The following TRIM25 variants were observed in gnomAD, a reference collection of about 807,000 sequenced individuals.
TRIM25 encodes tripartite motif containing 25.
A neutral mutation model predicts 65.2 loss-of-function variants in TRIM25; 45 were observed. The ratio of observed to expected loss-of-function variants is 0.69; its 90% CI spans 0.54 to 0.89. The LOEUF (loss-of-function observed/expected upper bound fraction) is 0.89. TRIM25 is among the 40% of genes least tolerant of loss of function. TRIM25 has a pLI of 0.00. For synonymous variants in TRIM25, 321 were observed against 340.4 expected, an observed-to-expected ratio of 0.94 and a Z score of 0.63; for missense variants, 714 against 803.7, an observed-to-expected ratio of 0.89 and a Z score of 1.35.
At chr17:56,895,484 G>A in intron 7 of TRIM25, 37 bp downstream of exon 7, 1 of 1,614,036 alleles carries the variant, frequency 6.2e-7, no homozygotes, top group Non-Finnish European at 8.5e-7. Flanking sequence ...CAAACTCAGA[G>A]TGGACACCCC....
intron 2 of TRIM25, among the ~76,000 whole-genome samples, chr17:56,908,193 T>C (rs1909557047): frequency 6.6e-6 from 1 of 152,236 alleles, no homozygotes; most frequent in African/African-American, 2.4e-5. Context: ...TTCTCCCACT[T>C]TATATCATAA....
intron 4 of TRIM25, among the ~76,000 whole-genome samples, chr17:56,900,682 A>G (rs1041451433): frequency 4.6e-5 from 7 of 152,342 alleles, no homozygotes; most frequent in Middle Eastern, 3.4e-3. Flanking sequence ...GAAGTTTTGC[A>G]TATTTGAGGA....
Position 56,889,625 on chromosome 17 carries a change from G to T in TRIM25, c.*2075C>A. ...CTCTCTTTTAAACAGAGGGTCTTAT[G>T]CTTCCCTATCCTGAGCTGCACATTT... is the stretch of plus-strand genomic sequence containing the variant. On this transcript the variant is annotated 3_prime_UTR_variant, in exon 9 of 9. Coordinates refer to ENST00000316881, the MANE Select transcript of TRIM25 (RefSeq NM_005082.5). 1 of 397,304 alleles carries T rather than the reference G, an allele frequency of 2.5e-6. No individual in the cohort carries two copies. The highest frequency in any genetic ancestry group is 4.4e-6 in the Non-Finnish European group (1 of 225,612). 24.6% of individuals were successfully genotyped at this position (397,304 alleles called of 1,614,324 possible).
intron 4 of TRIM25, among the ~76,000 whole-genome samples, chr17:56,901,048 G>A (rs976851597): frequency 6.6e-6 from 1 of 152,122 alleles, no homozygotes; most frequent in East Asian, 1.9e-4. Flanking sequence ...GTGATGAAAA[G>A]GGGGTGTCAA....
rs530543259 is a variant in TRIM25 at position 56,890,283 on chromosome 17, C to T, written c.*1417G>A. 6 of 326,162 alleles carry T rather than the reference C, an allele frequency of 1.8e-5. No homozygotes were observed. Among genetic ancestry groups the T allele is most frequent in the African/African-American group, 1.3e-4 (6 of 46,060 alleles). 20.2% of individuals were successfully genotyped at this position (326,162 alleles called of 1,614,324 possible). On this transcript the variant is annotated 3_prime_UTR_variant, in exon 9 of 9. Coordinates refer to ENST00000316881, the MANE Select transcript of TRIM25 (RefSeq NM_005082.5). ...ATAAGGAGCTTGGGGAAAATCCAGC[C>T]ATCCATTCACTCCCGCCCCTTAGTG... is the stretch of plus-strand genomic sequence containing the variant.
At chr17:56,892,344 C>A in intron 8 of TRIM25, 115 bp from the exon 9 acceptor site, 1 of 1,165,112 alleles carries the variant, frequency 8.6e-7, no homozygotes, top group South Asian at 1.5e-5. Context: ...CACCCATCTA[C>A]CCATTGGTCC....
intron 8 of TRIM25, among the ~76,000 whole-genome samples, chr17:56,893,927 A>C (rs1001207871): frequency 7.2e-5 from 11 of 152,236 alleles, no homozygotes; most frequent in Admixed American, 2.6e-4. Context: ...CAGAGGTCAG[A>C]ATGCAGTGGC....
chr17:56,900,938 G>A (rs531384821), intron 4 of TRIM25, among the ~76,000 whole-genome samples: 207 of 152,316 alleles, frequency 1.4e-3, no homozygotes, highest in African/African-American at 4.7e-3. Flanking sequence ...GTCATGGGGC[G>A]ACAGGTGATG....
At chr17:56,905,945 A>T (rs568379383) in intron 2 of TRIM25, among the ~76,000 whole-genome samples, 1 of 152,356 alleles carries the variant, frequency 6.6e-6, no homozygotes, top group African/African-American at 2.4e-5. Context: ...CCTGGGTGAT[A>T]GAGTGAGACC....
chr17:56,900,466 A>G (rs1256234921), intron 4 of TRIM25, among the ~76,000 whole-genome samples: 1 of 152,220 alleles, frequency 6.6e-6, no homozygotes, highest in Non-Finnish European at 1.5e-5. Context: ...CCCAAGGAAG[A>G]ATGCGATACT....
At chr17:56,896,612 T>C (rs1366418846) in intron 5 of TRIM25, among the ~76,000 whole-genome samples, 1 of 149,948 alleles carries the variant, frequency 6.7e-6, no homozygotes, top group Non-Finnish European at 1.5e-5. Flanking sequence ...GAGGCTGCAG[T>C]GAGCTGTGTT....
chr17:56,895,213 C>A, intron 8 of TRIM25, 130 bp downstream of exon 8: 1 of 663,416 alleles, frequency 1.5e-6, no homozygotes, highest in Non-Finnish European at 2.6e-6. Context: ...AATAAGGGAG[C>A]AACAAAGTAG....
chr17:56,899,657 G>T (rs544486064), intron 4 of TRIM25, among the ~76,000 whole-genome samples: 4 of 152,178 alleles, frequency 2.6e-5, no homozygotes, highest in Non-Finnish European at 5.9e-5. Flanking sequence ...CACCGCCACC[G>T]ATTTCAGAAG....
Position 56,913,979 on chromosome 17 carries a change from G to A in TRIM25, c.10C>T (p.Leu4=). 1 of 1,560,436 alleles carries A rather than the reference G, an allele frequency of 6.4e-7. No homozygotes were observed. Among genetic ancestry groups the A allele is most frequent in the Non-Finnish European group, 8.7e-7 (1 of 1,150,388 alleles). Reference sequence around the variant, plus strand: ...GACAGCTCCTCGGCCAGGGGGCACAGCTCTGCCATGGCGCTCCCAGGGGTC... The same window carrying A: ...GACAGCTCCTCGGCCAGGGGGCACAACTCTGCCATGGCGCTCCCAGGGGTC... MAE[L]CPLAEELSCS... is the part of the protein sequence containing the mutation. Residue 4 remains leucine (L), a synonymous_variant, in exon 1 of 9, where the codon CTG becomes TTG. Coordinates refer to ENST00000316881, the MANE Select transcript of TRIM25 (RefSeq NM_005082.5). The surrounding 1 kb of genome is among the most constrained non-coding windows in gnomAD (Gnocchi z 6.1).
Position 56,892,188 on chromosome 17 carries a change from T to C in TRIM25, c.1405A>G (p.Lys469Glu). Residue 469 changes from lysine to glutamate, a missense_variant, in exon 9 of 9, where the codon AAA (lysine) becomes GAA (glutamate). Coordinates refer to ENST00000316881, the MANE Select transcript of TRIM25 (RefSeq NM_005082.5). ...VILDYNTAHN[K>E]VALSECYTVA... is the part of the protein sequence containing the mutation. ...GTATAGCACTCTGACAGAGCCACTT[T>C]GTTGTGGGCGGTGTTGTAGTCCAGG... The C allele has an allele frequency of 6.2e-7, 1 of 1,610,970 alleles. No individual in the cohort carries two copies. The highest frequency in any genetic ancestry group is 8.5e-7 in the Non-Finnish European group (1 of 1,177,478).
At chr17:56,902,699 G>T (rs949859188) in intron 3 of TRIM25, among the ~76,000 whole-genome samples, 1 of 152,252 alleles carries the variant, frequency 6.6e-6, no homozygotes, top group Non-Finnish European at 1.5e-5. Context: ...TAAGGGACAT[G>T]AGGCCAGAAA....
chr17:56,907,120 G>A (rs952955576), intron 2 of TRIM25, among the ~76,000 whole-genome samples: 2 of 152,198 alleles, frequency 1.3e-5, no homozygotes, highest in Non-Finnish European at 2.9e-5. Context: ...CAACCAAAGA[G>A]GCTGGGACAA....
chr17:56,911,721 T>C (rs1261854831), intron 1 of TRIM25, among the ~76,000 whole-genome samples: 2 of 151,522 alleles, frequency 1.3e-5, no homozygotes, highest in Non-Finnish European at 2.9e-5. Flanking sequence ...GATCCCATCT[T>C]TACAAAAGAA....
In TRIM25 at chr17:56,891,863, AC is replaced by A; in HGVS notation, c.1729del (p.Val577TrpfsTer23). ...GTGGTCACAGTTGAGAAGCACGCCC[AC>A]CCGCGTGGCCTTGGTGGAGGGCAGG... ...KTLPSTKATR[V>X]GVLLNCDHGF... On this transcript the variant is annotated frameshift_variant, in exon 9 of 9. Coordinates refer to ENST00000316881, the MANE Select transcript of TRIM25 (RefSeq NM_005082.5). LOFTEE classifies it high-confidence loss of function. The A allele has an allele frequency of 1.2e-6, 2 of 1,614,138 alleles. No individual in the cohort carries two copies. The highest frequency in any genetic ancestry group is 8.5e-7 in the Non-Finnish European group (1 of 1,180,036).
Sources: allele counts gnomAD v4.1 joint callset (sites outside exome capture counted in the v4.1 genomes callset), GRCh38; gene constraint gnomAD v4.1.1; non-coding constraint Gnocchi (gnomAD v3.1); transcripts MANE v1.5; gene names NCBI Gene and HGNC (gene_info 2026-07-23, HGNC 2026-07-21).